EML4: variants seen among roughly 807,000 people sequenced by gnomAD.
EML4 encodes the protein EMAP like 4.
EML4 carries 72 observed loss-of-function variants against 129.0 expected under a neutral mutation model. The observed-to-expected ratio is 0.56, with a 90% confidence interval of 0.46 to 0.68. EML4 has a LOEUF of 0.68. EML4 is among the 30% of genes least tolerant of loss of function. The probability of loss-of-function intolerance (pLI) is 0.00; values close to 1 mark genes in which losing one functional copy is unlikely to be tolerated. For missense variants in EML4, 1,363 were observed against 1,190.6 expected (o/e 1.14, Z -2.13); for synonymous variants, 532 against 405.0 (o/e 1.31, Z -3.77).
chr2:42,204,477 G>C lies in EML4; in HGVS notation c.25+34841G>C, dbSNP rs182149506. Among the ~76,000 whole-genome samples the C allele has an allele frequency of 9.2e-5, 14 of 152,234 alleles. No individual in the cohort carries two copies. The East Asian group carries it at 2.7e-3, about 29-fold the overall frequency. ...GGGACTATTCCTCTCTGCTGTTTTT[G>C]TAAAATAGCCATTGACAGTACCCAA... On this transcript the variant is annotated intron_variant, in intron 1 of 22. Transcript: ENST00000318522.
chr2:42,295,505 A>G lies in EML4; in HGVS notation c.1478A>G (p.Lys493Arg), dbSNP rs886368255. The part of the protein sequence containing the change: ...SKTTVEPTPG[K>R]GPKGVYQISK... ...ACTACTGTAGAGCCCACACCTGGGA[A>G]AGGACCTAAAGGTACAGTATTCTTA... Residue 493 changes from lysine (K) to arginine (R), a missense_variant, in exon 13 of 23, where the codon AAA becomes AGA. By Grantham distance (26) the Lys-to-Arg change is conservative. Transcript: ENST00000318522. 2.5e-6 allele frequency: 4 copies of G among 1,611,504 alleles called. No homozygotes were observed. The African/African-American group carries it at 4.0e-5, about 16-fold the overall frequency.
At chr2:42,295,307 T>A in intron 12 of EML4, 48 bp downstream of exon 12, 1 of 1,595,760 alleles carries the variant, frequency 6.3e-7, no homozygotes, top group Non-Finnish European at 8.5e-7. Flanking sequence ...AGACTTTAAT[T>A]TTTTTAATTG....
intron 11 of EML4, among the ~76,000 whole-genome samples, chr2:42,293,814 T>A (rs2103671406): frequency 6.6e-6 from 1 of 152,280 alleles, no homozygotes; most frequent in East Asian, 1.9e-4. Context: ...TTTCACCATC[T>A]TGGCCAGGCT....
chr2:42,194,591 A>C (rs375392404), intron 1 of EML4, among the ~76,000 whole-genome samples: 4 of 150,426 alleles, frequency 2.7e-5, no homozygotes, highest in African/African-American at 7.3e-5. Context: ...GTGATGCCCA[A>C]CCTCCACCTC....
chr2:42,303,075 A>G, intron 14 of EML4, 29 bp from the exon 15 acceptor site: 3 of 1,610,540 alleles, frequency 1.9e-6, no homozygotes, highest in South Asian at 2.2e-5. Context: ...ATTAGTATGT[A>G]TATGGTGACT....
intron 1 of EML4, among the ~76,000 whole-genome samples, chr2:42,206,446 C>A (rs1054938738): frequency 2.0e-5 from 3 of 152,140 alleles, no homozygotes; most frequent in African/African-American, 7.2e-5. Flanking sequence ...AAACTCCTGG[C>A]CTCAAGAGTC....
At chr2:42,269,470 A>C (rs1209464002) in intron 6 of EML4, among the ~76,000 whole-genome samples, 2 of 152,220 alleles carry the variant, frequency 1.3e-5, no homozygotes, top group Non-Finnish European at 2.9e-5. Context: ...CAGTAGTTAC[A>C]GTGTTGAACT....
chr2:42,234,155 A>G (rs1389152617), intron 1 of EML4, among the ~76,000 whole-genome samples: 2 of 152,216 alleles, frequency 1.3e-5, no homozygotes, highest in African/African-American at 4.8e-5. Context: ...CCTTTTATAA[A>G]ATAGAACACT....
chr2:42,266,381 C>T (rs781723964), intron 6 of EML4, among the ~76,000 whole-genome samples: 2 of 152,196 alleles, frequency 1.3e-5, no homozygotes, highest in African/African-American at 2.4e-5. Flanking sequence ...GGGTCTTGCT[C>T]TGTTGCCCCG....
At chr2:42,311,444 T>A (rs1438398415) in intron 17 of EML4, among the ~76,000 whole-genome samples, 1 of 152,072 alleles carries the variant, frequency 6.6e-6, no homozygotes, top group African/African-American at 2.4e-5. Flanking sequence ...TCCCAGCTAC[T>A]TGGGAGGCTA....
chr2:42,244,104 T>TTTG (rs1553374599), intron 1 of EML4, among the ~76,000 whole-genome samples: 3 of 80,602 alleles, frequency 3.7e-5, no homozygotes, highest in African/African-American at 1.1e-4. Context: ...GTTTTTTGTT[T>TTTG]TTTTTTTTTT....
In EML4 at chr2:42,282,823, A is replaced by T. The variant is rs768318577; in HGVS notation, c.792A>T (p.Ala264=). 1 of 1,609,846 alleles carries T rather than the reference A, an allele frequency of 6.2e-7. No homozygotes were observed. Among genetic ancestry groups the T allele is most frequent in the Non-Finnish European group, 8.5e-7 (1 of 1,178,456 alleles). Residue 264 remains alanine, a splice_region_variant and synonymous_variant, in exon 8 of 23, where the codon GCA becomes GCT. Transcript: ENST00000318522. ...AAACCTTGACTCTTTTTCTGTTAAGATATGGTTATCGAGGAAAGGACTGTA... is the reference window on the plus strand; with the variant it reads ...AAACCTTGACTCTTTTTCTGTTAAGTTATGGTTATCGAGGAAAGGACTGTA... ...LPPEKLKLEW[A]YGYRGKDCRA...
At chr2:42,181,568 T>A (rs942144829) in intron 1 of EML4, among the ~76,000 whole-genome samples, 24 of 152,216 alleles carry the variant, frequency 1.6e-4, no homozygotes, top group African/African-American at 5.5e-4. Flanking sequence ...AGTGCTGGGA[T>A]TACAGGTGTG....
At chr2:42,201,969 G>C (rs1558497396) in intron 1 of EML4, among the ~76,000 whole-genome samples, 2 of 152,094 alleles carry the variant, frequency 1.3e-5, no homozygotes, top group African/African-American at 4.8e-5. Context: ...TGTAATCCCA[G>C]CTCCTCAGGA....
At chr2:42,314,468 C>T (rs1392283866) in intron 17 of EML4, among the ~76,000 whole-genome samples, 1 of 152,168 alleles carries the variant, frequency 6.6e-6, no homozygotes, top group Non-Finnish European at 1.5e-5. Context: ...ATTCTGTCAT[C>T]TACTCAGGTA....
chr2:42,307,860 G>C (rs903709997), intron 17 of EML4, among the ~76,000 whole-genome samples: 1 of 152,144 alleles, frequency 6.6e-6, no homozygotes, highest in African/African-American at 2.4e-5. Flanking sequence ...TCGCCATGTT[G>C]GCCAGGCTGG....
intron 6 of EML4, among the ~76,000 whole-genome samples, chr2:42,269,274 G>C (rs553810689): frequency 1.3e-5 from 2 of 152,018 alleles, no homozygotes; most frequent in East Asian, 3.9e-4. Context: ...TAAATAAAAC[G>C]AACTCATTTA....
In EML4 at chr2:42,332,028, C is replaced by T. The variant is rs1295041394; in HGVS notation, c.*1821C>T. 2 of 222,196 alleles carry T rather than the reference C, an allele frequency of 9.0e-6. No homozygotes were observed. The highest frequency in any genetic ancestry group is 2.2e-5 in the African/African-American group (1 of 44,670). 13.8% of individuals were successfully genotyped at this position (222,196 alleles called of 1,614,324 possible). On this transcript the variant is annotated 3_prime_UTR_variant, in exon 23 of 23. Transcript: ENST00000318522. Reference sequence around the variant, plus strand: ...TATGTTCTGTACATACTTATCGGAGCGCGCCAGTAAGTATCAGGCATATAT... The same window carrying T: ...TATGTTCTGTACATACTTATCGGAGTGCGCCAGTAAGTATCAGGCATATAT...
intron 1 of EML4, among the ~76,000 whole-genome samples, chr2:42,192,032 G>C (rs919680778): frequency 4.0e-5 from 6 of 151,620 alleles, no homozygotes; most frequent in African/African-American, 1.5e-4. Flanking sequence ...CCAGCTACTC[G>C]GGAGGCTGAG....
Sources: gnomAD v4.1 joint callset for allele counts (sites outside exome capture counted in the v4.1 genomes callset) on GRCh38, gnomAD v4.1.1 for gene constraint, MANE v1.5 for transcripts, NCBI Gene and HGNC (gene_info 2026-07-23, HGNC 2026-07-21) for gene names.